The following EPHA6 variants were observed in gnomAD, a reference collection of about 807,000 sequenced individuals.
EPHA6 encodes EPH receptor A6, also known as ephrin type-A receptor 6.
A neutral mutation model predicts 112.0 loss-of-function variants in EPHA6; 50 were observed. That is an observed-to-expected ratio of 0.45 (90% CI 0.36 to 0.56). The LOEUF is 0.56. EPHA6 is among the 20% of genes least tolerant of loss of function. The pLI is 0.00. For missense variants in EPHA6, 1,280 were observed against 1,417.4 expected, an observed-to-expected ratio of 0.90 and a Z score of 1.56; for synonymous variants, 529 against 490.7, an observed-to-expected ratio of 1.08 and a Z score of -1.03.
intron 1 of EPHA6, among the ~76,000 whole-genome samples, chr3:96,853,885 T>G (rs2035538847): frequency 6.6e-6 from 1 of 152,022 alleles, no homozygotes; most frequent in African/African-American, 2.4e-5. Context: ...GAACATTGGA[T>G]TTATAAAATC....
intron 13 of EPHA6, among the ~76,000 whole-genome samples, chr3:97,637,494 G>T (rs1221856319): frequency 2.6e-5 from 4 of 151,958 alleles, no homozygotes; most frequent in Non-Finnish European, 5.9e-5. Context: ...CTGTACAGCT[G>T]GTTCAAAGCT....
chr3:97,670,379 A>G lies in EPHA6; in HGVS notation c.2784+32297A>G, dbSNP rs1312382558. Among the ~76,000 whole-genome samples, 6 of 152,320 alleles carry G rather than the reference A, an allele frequency of 3.9e-5. 1 individual carries two copies. Among genetic ancestry groups the G allele is most frequent in the African/African-American group, 1.4e-4 (6 of 41,576 alleles). On this transcript the variant is annotated intron_variant, in intron 14 of 17. Transcript: ENST00000389672. ...AAAGCAACCCTTTCTTCTCAGTTGT[A>G]GAAAATATAATATTTGCCCGTCTCT...
intron 6 of EPHA6, among the ~76,000 whole-genome samples, chr3:97,446,101 C>T (rs184755348): frequency 1.3e-5 from 2 of 152,146 alleles, no homozygotes; most frequent in African/African-American, 2.4e-5. Context: ...AATTCTGGGA[C>T]GATAGTGTCC....
At chr3:97,293,932 G>A (rs1476017202) in intron 5 of EPHA6, among the ~76,000 whole-genome samples, 1 of 152,212 alleles carries the variant, frequency 6.6e-6, no homozygotes, top group Admixed American at 6.5e-5. Context: ...TGGGAGTTGG[G>A]GACCGAGGTG....
At chr3:97,552,430 T>G (rs2107094881) in intron 11 of EPHA6, among the ~76,000 whole-genome samples, 1 of 152,278 alleles carries the variant, frequency 6.6e-6, no homozygotes, top group South Asian at 2.1e-4. Context: ...GAAGTTGGCC[T>G]GAAGGGAGAA....
At chr3:97,442,909 T>C (rs184216648) in intron 6 of EPHA6, among the ~76,000 whole-genome samples, 18 of 152,258 alleles carry the variant, frequency 1.2e-4, no homozygotes, top group Non-Finnish European at 1.8e-4. Flanking sequence ...CCCAGAGCCA[T>C]GTGAAATATC....
rs563605731 is a variant in EPHA6 at position 97,493,461 on chromosome 3, A to G, written c.2200+9402A>G. ...TGTCCTCACATGGCAGAGAAGAGAT[A>G]TATCTTCCTCTTCGTATAAGATCAC... is the stretch of plus-strand genomic sequence containing the variant. On this transcript the variant is annotated intron_variant, in intron 10 of 17. Coordinates refer to ENST00000389672, the MANE Select transcript of EPHA6 (RefSeq NM_001080448.3). 1.2e-4 allele frequency among the ~76,000 whole-genome samples: 18 copies of G among 152,298 alleles called. No individual in the cohort carries two copies. In the South Asian group the frequency reaches 2.7e-3, roughly 23 times the overall value.
intron 6 of EPHA6, among the ~76,000 whole-genome samples, chr3:97,421,103 A>G (rs1484512890): frequency 6.6e-6 from 1 of 151,948 alleles, no homozygotes; most frequent in Non-Finnish European, 1.5e-5. Flanking sequence ...AGGAAATATT[A>G]CACTACTTCT....
chr3:97,184,409 A>G (rs1470926614), intron 3 of EPHA6, among the ~76,000 whole-genome samples: 2 of 152,282 alleles, frequency 1.3e-5, no homozygotes, highest in South Asian at 2.1e-4. Flanking sequence ...AAGCATTCTT[A>G]TACACCAATA....
At chr3:97,706,208 C>A (rs1188489302) in intron 14 of EPHA6, among the ~76,000 whole-genome samples, 2 of 151,950 alleles carry the variant, frequency 1.3e-5, no homozygotes, top group South Asian at 2.1e-4. Flanking sequence ...ACATTTAGTG[C>A]AAAAGGTCAA....
chr3:97,586,964 A>G (rs1320696884), intron 11 of EPHA6, among the ~76,000 whole-genome samples: 1 of 152,194 alleles, frequency 6.6e-6, no homozygotes, highest in Non-Finnish European at 1.5e-5. Flanking sequence ...AAGAAAGGGC[A>G]GGGTGTGGTG....
intron 6 of EPHA6, among the ~76,000 whole-genome samples, chr3:97,446,028 C>T (rs919292736): frequency 1.3e-5 from 2 of 152,156 alleles, no homozygotes; most frequent in Non-Finnish European, 2.9e-5. Context: ...AAAGCCTGGT[C>T]GCTACCTGGT....
chr3:97,156,572 A>G (rs1033674456), intron 3 of EPHA6, among the ~76,000 whole-genome samples: 1 of 152,186 alleles, frequency 6.6e-6, no homozygotes, highest in Non-Finnish European at 1.5e-5. Context: ...ATTAGCAGAT[A>G]AAAGTTATAG....
chr3:97,578,592 G>C (rs2093409212), intron 11 of EPHA6, among the ~76,000 whole-genome samples: 1 of 152,184 alleles, frequency 6.6e-6, no homozygotes, highest in Non-Finnish European at 1.5e-5. Context: ...CATGAGCTCA[G>C]ATCATGACTA....
chr3:97,733,941 G>A (rs1445940116), intron 15 of EPHA6, among the ~76,000 whole-genome samples: 1 of 151,972 alleles, frequency 6.6e-6, no homozygotes, highest in Admixed American at 6.6e-5. Context: ...GCATTTCTGG[G>A]GAGTGGTCAG....
intron 4 of EPHA6, among the ~76,000 whole-genome samples, chr3:97,235,006 C>A (rs1423621841): frequency 1.3e-5 from 2 of 152,102 alleles, no homozygotes; most frequent in Non-Finnish European, 1.5e-5. Context: ...TCAGTGCCAG[C>A]AGTTTCCTCT....
At chr3:97,115,946 C>A (rs1253982717) in intron 3 of EPHA6, among the ~76,000 whole-genome samples, 1 of 151,722 alleles carries the variant, frequency 6.6e-6, no homozygotes, top group African/African-American at 2.4e-5. Flanking sequence ...ATAGTACTTG[C>A]AGTGTAGTTT....
At chr3:97,166,366 T>TA (rs1385520541) in intron 3 of EPHA6, among the ~76,000 whole-genome samples, 7 of 151,136 alleles carry the variant, frequency 4.6e-5, no homozygotes, top group African/African-American at 1.7e-4. Flanking sequence ...GTACTTGTTT[T>TA]TAAAAAAAAA....
chr3:96,927,730 A>C (rs979652682), intron 2 of EPHA6, among the ~76,000 whole-genome samples: 3 of 152,112 alleles, frequency 2.0e-5, no homozygotes, highest in Non-Finnish European at 2.9e-5. Context: ...ATTTTCCCTC[A>C]TCTCCCTGTT....
Sources: allele counts gnomAD v4.1 joint callset (sites outside exome capture counted in the v4.1 genomes callset), GRCh38; gene constraint gnomAD v4.1.1; transcripts MANE v1.5; gene names NCBI Gene and HGNC (gene_info 2026-07-23, HGNC 2026-07-21).